The following PRKN variants were observed in gnomAD, a reference collection of about 807,000 sequenced individuals.
PRKN encodes the protein E3 ubiquitin-protein ligase parkin.
A neutral mutation model predicts 59.5 loss-of-function variants in PRKN; 56 were observed. The observed-to-expected ratio is 0.94, with a 90% CI of 0.76 to 1.18. The LOEUF (loss-of-function observed/expected upper bound fraction) is 1.18. Among genes scored for constraint, PRKN ranks in the 50% most tolerant of loss-of-function variants. PRKN has a pLI of 0.00. For missense variants in PRKN, 657 were observed against 596.4 expected, an observed-to-expected ratio of 1.10 and a Z score of -1.06; for synonymous variants, 250 against 222.1, an observed-to-expected ratio of 1.13 and a Z score of -1.12.
chr6:161,904,247 A>G (rs1212534823), intron 6 of PRKN, among the ~76,000 whole-genome samples: 1 of 151,706 alleles, frequency 6.6e-6, no homozygotes, highest in African/African-American at 2.4e-5. Flanking sequence ...TTTGGGGGGA[A>G]AAAAATAGCC....
intron 1 of PRKN, among the ~76,000 whole-genome samples, chr6:162,535,631 A>G (rs534462399): frequency 6.6e-6 from 1 of 152,216 alleles, no homozygotes; most frequent in Admixed American, 6.6e-5. Context: ...CATGAGGACC[A>G]GGCTCACTGC....
At chr6:161,724,755 A>G (rs1787369706) in intron 7 of PRKN, among the ~76,000 whole-genome samples, 1 of 152,316 alleles carries the variant, frequency 6.6e-6, no homozygotes, top group Non-Finnish European at 1.5e-5. Context: ...TTCCCCACCA[A>G]TTATTAGAAT....
In PRKN at chr6:162,024,184, TCCC is replaced by T. The variant is rs1412620486; in HGVS notation, c.618+29904_618+29906del. The stretch of plus-strand genomic sequence containing the variant: ...ACGAGTCCCTCCCTTCCTCCCTCCC[TCCC>T]CCAACCCTTTTTTTTTTTTTTTTTT... On this transcript the variant is annotated intron_variant, in intron 5 of 11. Coordinates refer to ENST00000366898, the MANE Select transcript of PRKN (RefSeq NM_004562.3). 3.4e-4 allele frequency among the ~76,000 whole-genome samples: 40 copies of T among 117,488 alleles called. No individual in the cohort carries two copies. The Admixed American group carries it at 3.4e-3, about 10-fold the overall frequency. The allele number at this position is 117,488 out of a possible 152,430, so 77.1% of individuals were successfully genotyped here.
intron 7 of PRKN, among the ~76,000 whole-genome samples, chr6:161,742,771 G>A (rs1009368995): frequency 1.3e-5 from 2 of 152,168 alleles, no homozygotes; most frequent in Non-Finnish European, 2.9e-5. Flanking sequence ...TCTCACAGCC[G>A]CGCAGAGTAG....
intron 1 of PRKN, among the ~76,000 whole-genome samples, chr6:162,714,765 G>C (rs2849513): frequency 0.32 from 48,458 of 152,066 alleles, 8,588 homozygotes; most frequent in Non-Finnish European, 0.41. Context: ...TGAAGCAAAA[G>C]TGCATTTGTT....
rs911694925 is a variant in PRKN at position 162,447,624 on chromosome 6, G to C, written c.8-4151C>G. Reference sequence around the variant, plus strand: ...AGTGAATGGGTGGGAAGAGGGGAAAGGGTTATTGGTGGATGGGCCCTTATA... The same window carrying C: ...AGTGAATGGGTGGGAAGAGGGGAAACGGTTATTGGTGGATGGGCCCTTATA... On this transcript the variant is annotated intron_variant, in intron 1 of 11. Transcript: ENST00000366898. Among the ~76,000 whole-genome samples the C allele has an allele frequency of 4.3e-4, 65 of 152,268 alleles. 1 individual carries two copies. Among genetic ancestry groups the C allele is most frequent in the Non-Finnish European group, 1.0e-4 (7 of 68,008 alleles).
chr6:162,071,007 T>G (rs906361579), intron 4 of PRKN, among the ~76,000 whole-genome samples: 3 of 151,964 alleles, frequency 2.0e-5, no homozygotes, highest in Non-Finnish European at 2.9e-5. Context: ...ATGGGCAGAG[T>G]GTCATTTCTA....
chr6:161,440,113 G>T lies in PRKN; in HGVS notation c.1084-53236C>A, dbSNP rs1352334671. Among the ~76,000 whole-genome samples, 1 of 151,878 alleles carries T rather than the reference G, an allele frequency of 6.6e-6. No individual in the cohort carries two copies. The highest frequency in any genetic ancestry group is 1.5e-5 in the Non-Finnish European group (1 of 67,976). ...CTACAGGCGCCCACCACCACGCCCG[G>T]CTAATTTTTTTTGGTATTTTTAGTA... On this transcript the variant is annotated intron_variant, in intron 9 of 11. Transcript: ENST00000366898. The surrounding 1 kb of genome is among the most constrained non-coding windows in gnomAD (Gnocchi z 4.1).
intron 7 of PRKN, among the ~76,000 whole-genome samples, chr6:161,724,888 G>A (rs1255144811): frequency 1.3e-5 from 2 of 152,300 alleles, no homozygotes; most frequent in East Asian, 1.9e-4. Flanking sequence ...AGGTGTTTGG[G>A]TCATAGGGGT....
intron 7 of PRKN, among the ~76,000 whole-genome samples, chr6:161,661,617 T>C (rs553039043): frequency 6.6e-6 from 1 of 152,120 alleles, no homozygotes. Context: ...TAATTTCTTG[T>C]CCATTTTCAC....
chr6:162,441,999 G>C (rs1232579285), intron 2 of PRKN, among the ~76,000 whole-genome samples: 3 of 138,542 alleles, frequency 2.2e-5, no homozygotes, highest in African/African-American at 8.4e-5. Flanking sequence ...CTTTTTAGTT[G>C]ACTGAAATAG....
At chr6:161,403,633 T>C (rs958523710) in intron 9 of PRKN, among the ~76,000 whole-genome samples, 1 of 152,202 alleles carries the variant, frequency 6.6e-6, no homozygotes, top group Non-Finnish European at 1.5e-5. Context: ...CACGCTTTTA[T>C]CCTCTGCTCC....
chr6:161,884,418 C>T (rs1795056549), intron 6 of PRKN, among the ~76,000 whole-genome samples: 1 of 152,170 alleles, frequency 6.6e-6, no homozygotes, highest in African/African-American at 2.4e-5. Flanking sequence ...TTTTAAGATT[C>T]TACTATGACA....
intron 9 of PRKN, among the ~76,000 whole-genome samples, chr6:161,394,340 C>A (rs1317437730): frequency 1.3e-5 from 2 of 152,186 alleles, no homozygotes; most frequent in Non-Finnish European, 2.9e-5. Flanking sequence ...AGGCTGGATA[C>A]AGCTCTGTAG....
intron 6 of PRKN, among the ~76,000 whole-genome samples, chr6:161,923,875 G>C (rs189063161): frequency 2.9e-4 from 44 of 152,172 alleles, no homozygotes; most frequent in Non-Finnish European, 6.2e-4. Flanking sequence ...TGTCTGCCTG[G>C]TACTCTTTGT....
intron 2 of PRKN, among the ~76,000 whole-genome samples, chr6:162,333,502 T>C (rs1438819184): frequency 6.6e-6 from 1 of 152,188 alleles, no homozygotes; most frequent in African/African-American, 2.4e-5. Flanking sequence ...TATTGTGATG[T>C]ATGATCCACG....
In PRKN at chr6:161,588,169, A is replaced by G. The variant is rs1781587405; in HGVS notation, c.872-18753T>C. On this transcript the variant is annotated intron_variant, in intron 7 of 11. Coordinates refer to ENST00000366898, the MANE Select transcript of PRKN (RefSeq NM_004562.3). This position sits in a 1 kb window ranked among gnomAD's most constrained non-coding sequence, Gnocchi z 5.0. ...GGGAGGCCGAGTCGGGTGGATCACA[A>G]GGTCAGGAGTTCGAGACCAGCCTGG... 1.3e-5 allele frequency among the ~76,000 whole-genome samples: 2 copies of G among 151,976 alleles called. No homozygotes were observed. Among genetic ancestry groups the G allele is most frequent in the Admixed American group, 6.6e-5 (1 of 15,254 alleles).
At chr6:162,343,619 A>AT (rs1784280195) in intron 2 of PRKN, among the ~76,000 whole-genome samples, 1 of 152,334 alleles carries the variant, frequency 6.6e-6, no homozygotes, top group East Asian at 1.9e-4. Flanking sequence ...ATCAAACAAC[A>AT]TTTAACTTTC....
chr6:162,308,889 GT>G (rs201687915), intron 2 of PRKN, among the ~76,000 whole-genome samples: 3 of 150,784 alleles, frequency 2.0e-5, no homozygotes, highest in Admixed American at 6.6e-5. Flanking sequence ...AATATTCTGG[GT>G]TTTTTTTTCC....
Sources: gnomAD v4.1 joint callset for allele counts (sites outside exome capture counted in the v4.1 genomes callset) on GRCh38, gnomAD v4.1.1 for gene constraint, Gnocchi (gnomAD v3.1) non-coding constraint, MANE v1.5 for transcripts, NCBI Gene and HGNC (gene_info 2026-07-23, HGNC 2026-07-21) for gene names.